HEPH: variants seen among roughly 807,000 people sequenced by gnomAD.
HEPH encodes hephaestin.
HEPH carries 69 observed loss-of-function variants against 80.8 expected under a neutral mutation model. The observed-to-expected ratio is 0.85, with a 90% CI of 0.70 to 1.04. HEPH has a LOEUF of 1.04. Among genes scored for constraint, HEPH ranks in the 50% least tolerant of loss-of-function variants. The probability of loss-of-function intolerance (pLI) is 0.00; values close to 1 mark genes in which losing one functional copy is unlikely to be tolerated. For synonymous variants in HEPH, 431 were observed against 322.8 expected, an observed-to-expected ratio of 1.34 and a Z score of -3.60; for missense variants, 1,115 against 891.3, an observed-to-expected ratio of 1.25 and a Z score of -3.20.
At chrX:66,226,037 G>A (rs773938069) in intron 15 of HEPH, among the ~76,000 whole-genome samples, 16 of 111,095 alleles carry the variant, frequency 1.4e-4, no homozygotes, top group African/African-American at 5.2e-4. Context: ...GAAAGCAGGG[G>A]GTATGTGACT....
rs1011249923 is a variant in HEPH, at chrX:66,189,834, C to T, written c.959C>T (p.Thr320Ile). 8.3e-7 allele frequency: 1 copy of T among 1,207,703 alleles called. No individual in the cohort carries two copies. The highest frequency in any genetic ancestry group is 2.2e-5 in the Admixed American group (1 of 45,374). ...GQMLTTRGHH[T>I]DVANIFPATF... ...ATGCTGACTACCCGTGGACACCACA[C>T]TGATGTGGCTAACATCTTTCCAGCC... The change falls in exon 6 of 21, where the codon ACT (threonine) becomes ATT (isoleucine). Residue 320 changes from threonine to isoleucine, a missense_variant. Thr to Ile is a moderately conservative substitution (Grantham distance 89). Coordinates refer to ENST00000343002, the MANE Select transcript of HEPH (RefSeq NM_001367233.3).
chrX:66,199,660 A>C (rs1301722167), intron 11 of HEPH, among the ~76,000 whole-genome samples: 1 of 112,111 alleles, frequency 8.9e-6, no homozygotes, highest in Non-Finnish European at 1.9e-5. Context: ...ATAGATTTGT[A>C]AGTAAATCAC....
chrX:66,198,075 A>G (rs1362909010), intron 10 of HEPH, among the ~76,000 whole-genome samples, 181 bp downstream of exon 10: 1 of 111,846 alleles, frequency 8.9e-6, no homozygotes, highest in African/African-American at 3.3e-5. Context: ...TATTTTTTGT[A>G]CTGACAAATA....
chrX:66,239,046 A>T (rs1179367623), intron 15 of HEPH, among the ~76,000 whole-genome samples: 1 of 112,342 alleles, frequency 8.9e-6, no homozygotes, highest in African/African-American at 3.2e-5. Context: ...GTAAACCCAC[A>T]ACCTTCCAAT....
At chrX:66,266,248 A>T (rs772374338) in intron 20 of HEPH, among the ~76,000 whole-genome samples, 192 bp from the exon 21 acceptor site, 2 of 110,841 alleles carry the variant, frequency 1.8e-5, no homozygotes, top group African/African-American at 6.6e-5. Context: ...AAGGACCCTT[A>T]TAGCTGTTAC....
Position 66,193,621 on chromosome X carries a change from G to C in HEPH, c.1352G>C (p.Arg451Thr), listed in dbSNP as rs765581297. 1 of 1,186,467 alleles carries C rather than the reference G, an allele frequency of 8.4e-7. No individual in the cohort carries two copies. The highest frequency in any genetic ancestry group is 1.1e-6 in the Non-Finnish European group (1 of 880,756). Residue 451 changes from arginine to threonine, a missense_variant, in exon 8 of 21, where the codon AGG (arginine) becomes ACG (threonine). Arg to Thr is a moderately conservative substitution (Grantham distance 71). Around this residue, in one of 3 missense-constraint regions of HEPH, gnomAD observed 391 missense variants for 343.6 expected, o/e 1.14. Coordinates refer to ENST00000343002, the MANE Select transcript of HEPH (RefSeq NM_001367233.3). ...FQEKMHLEED[R>T]HLGILGPVIR... ...GAGAAGATGCATTTGGAGGAAGATA[G>C]GCATCTTGGAATCCTGGGTGAGGAA...
At chrX:66,224,527 AG>A (rs1054956612) in intron 15 of HEPH, among the ~76,000 whole-genome samples, 2 of 112,243 alleles carry the variant, frequency 1.8e-5, no homozygotes, top group African/African-American at 6.5e-5. Context: ...TCAACTGGTG[AG>A]GTGTGCTCAC....
chrX:66,207,984 T>C, intron 14 of HEPH, 131 bp from the exon 15 acceptor site: 2 of 450,942 alleles, frequency 4.4e-6, no homozygotes, highest in Non-Finnish European at 7.3e-6. Context: ...GCCTTCTAGG[T>C]CTTAGAAGGA....
intron 4 of HEPH, among the ~76,000 whole-genome samples, chrX:66,180,297 G>T (rs1318107403): frequency 9.0e-6 from 1 of 111,041 alleles, no homozygotes; most frequent in East Asian, 2.8e-4. Flanking sequence ...TGTAGTGGTG[G>T]CTTGGTAGTG....
At chrX:66,177,472 T>A (rs1295329432) in intron 4 of HEPH, among the ~76,000 whole-genome samples, 2 of 111,780 alleles carry the variant, frequency 1.8e-5, no homozygotes, top group South Asian at 3.7e-4. Context: ...TTTACAGGAA[T>A]TTATCCATCT....
intron 1 of HEPH, among the ~76,000 whole-genome samples, chrX:66,166,882 A>G (rs1296061110): frequency 2.7e-5 from 3 of 112,179 alleles, no homozygotes; most frequent in Non-Finnish European, 5.6e-5. Flanking sequence ...ATGAGTGTGC[A>G]CATATTTATT....
At chrX:66,263,483 A>ACC (rs2091430067) in intron 19 of HEPH, among the ~76,000 whole-genome samples, 161 bp from the exon 20 acceptor site, 1 of 112,153 alleles carries the variant, frequency 8.9e-6, no homozygotes, top group Non-Finnish European at 1.9e-5. Context: ...AAATCAACAT[A>ACC]CCAATATTGA....
chrX:66,266,298 C>A (rs2091533495), intron 20 of HEPH, 142 bp from the exon 21 acceptor site: 1 of 462,659 alleles, frequency 2.2e-6, no homozygotes. Context: ...AATCTGTCTT[C>A]ATCAGCTAGT....
At chrX:66,257,539 C>A (rs906696535) in intron 17 of HEPH, among the ~76,000 whole-genome samples, 1 of 112,345 alleles carries the variant, frequency 8.9e-6, no homozygotes, top group African/African-American at 3.2e-5. Flanking sequence ...AGTTCTACAA[C>A]TAAATGGGCT....
At chrX:66,256,369 C>T in intron 17 of HEPH, 39 bp downstream of exon 17, 1 of 997,030 alleles carries the variant, frequency 1.0e-6, no homozygotes, top group Non-Finnish European at 1.4e-6. Context: ...CAAAGCAGTC[C>T]CTACTGGTTA....
chrX:66,196,907 T>C (rs772119321), intron 9 of HEPH, among the ~76,000 whole-genome samples: 103 of 111,213 alleles, frequency 9.3e-4, no homozygotes, highest in Admixed American at 3.4e-3. Flanking sequence ...TTTTTTTTTT[T>C]CAAATTTTGT....
At position 66,238,217 on chromosome X, in the gene HEPH, C is replaced by T. The variant is rs1319910715; in HGVS notation, c.2564-16818C>T. 2.7e-5 allele frequency among the ~76,000 whole-genome samples: 3 copies of T among 111,370 alleles called. No homozygotes were observed. The East Asian group carries it at 8.4e-4, about 31-fold the overall frequency. ...GTGGTTGCTTTATGTTGTCATTAGTCTGTGTACTTCAGTATTTTTCTGGAG... is the reference window on the plus strand; with the variant it reads ...GTGGTTGCTTTATGTTGTCATTAGTTTGTGTACTTCAGTATTTTTCTGGAG... On this transcript the variant is annotated intron_variant, in intron 15 of 20. Coordinates refer to ENST00000343002, the MANE Select transcript of HEPH (RefSeq NM_001367233.3).
At chrX:66,264,914 T>TAC (rs1569422374) in intron 20 of HEPH, among the ~76,000 whole-genome samples, 3 of 106,005 alleles carry the variant, frequency 2.8e-5, no homozygotes, top group Non-Finnish European at 5.8e-5. Flanking sequence ...TATTTGTATA[T>TAC]ATACATACAT....
intron 15 of HEPH, among the ~76,000 whole-genome samples, chrX:66,219,091 A>C (rs1360612690): frequency 1.8e-5 from 2 of 112,259 alleles, no homozygotes; most frequent in Non-Finnish European, 3.8e-5. Flanking sequence ...CTTGCAAGAC[A>C]GATCGATAGT....
Sources: gnomAD v4.1 joint callset for allele counts (sites outside exome capture counted in the v4.1 genomes callset) on GRCh38, gnomAD v4.1.1 for gene constraint, gnomAD v4.1.1 regional missense constraint, MANE v1.5 for transcripts, NCBI Gene and HGNC (gene_info 2026-07-23, HGNC 2026-07-21) for gene names.